The following CAV1 variants were observed in gnomAD, a reference collection of about 807,000 sequenced individuals.
CAV1 encodes the protein caveolin 1, also known as caveolin-1.
A neutral mutation model predicts 16.5 loss-of-function variants in CAV1; 10 were observed. The observed-to-expected ratio is 0.61, with a 90% confidence interval of 0.37 to 1.03. CAV1 has a LOEUF of 1.03. Ranked by LOEUF, CAV1 falls within the 50% of genes least tolerant of loss-of-function variation. The pLI is 0.01. For missense variants in CAV1, 212 were observed against 232.8 expected (o/e 0.91, Z 0.58); for synonymous variants, 76 against 85.1 (o/e 0.89, Z 0.59).
intron 2 of CAV1, 158 bp downstream of exon 2, chr7:116,526,847 G>A (rs919203771): frequency 1.3e-6 from 1 of 795,740 alleles, no homozygotes; most frequent in Non-Finnish European, 2.1e-6. Flanking sequence ...TGATGTGTGG[G>A]AGCTCCCGCA....
intron 1 of CAV1, 152 bp from the exon 2 acceptor site, chr7:116,526,373 C>G (rs1793559366): frequency 4.6e-6 from 7 of 1,515,430 alleles, no homozygotes; most frequent in South Asian, 1.3e-5. Flanking sequence ...TGCACGGAGC[C>G]GTAGCTGTCG....
At chr7:116,532,930 A>T (rs1291718571) in intron 2 of CAV1, among the ~76,000 whole-genome samples, 1 of 152,210 alleles carries the variant, frequency 6.6e-6, no homozygotes, top group African/African-American at 2.4e-5. Context: ...CCCACTGGAC[A>T]CCAAGGAGGA....
intron 2 of CAV1, among the ~76,000 whole-genome samples, chr7:116,533,409 A>C (rs947439199): frequency 6.6e-6 from 1 of 151,392 alleles, no homozygotes; most frequent in Non-Finnish European, 1.5e-5. Context: ...AAATAAAATA[A>C]AAATAAAATG....
At chr7:116,544,374 C>G (rs756970578) in intron 2 of CAV1, among the ~76,000 whole-genome samples, 2 of 152,122 alleles carry the variant, frequency 1.3e-5, no homozygotes, top group Non-Finnish European at 2.9e-5. Context: ...TTCACTAATT[C>G]ATTCATTTAT....
At chr7:116,534,763 A>T (rs889546225) in intron 2 of CAV1, among the ~76,000 whole-genome samples, 6 of 152,006 alleles carry the variant, frequency 3.9e-5, no homozygotes, top group African/African-American at 1.4e-4. Context: ...CAGAGTTTCA[A>T]ATGATCGTTC....
intron 2 of CAV1, among the ~76,000 whole-genome samples, chr7:116,552,651 T>A (rs1021418448): frequency 6.6e-6 from 1 of 152,150 alleles, no homozygotes; most frequent in East Asian, 1.9e-4. Context: ...AATCACAACA[T>A]AGGCAACACC....
At chr7:116,548,456 A>G (rs1211752014) in intron 2 of CAV1, among the ~76,000 whole-genome samples, 1 of 152,192 alleles carries the variant, frequency 6.6e-6, no homozygotes, top group African/African-American at 2.4e-5. Context: ...AGCAGAAGGA[A>G]GCCAGCCAGC....
At chr7:116,546,549 TAGTC>T (rs1022711284) in intron 2 of CAV1, among the ~76,000 whole-genome samples, 10 of 150,610 alleles carry the variant, frequency 6.6e-5, no homozygotes, top group South Asian at 4.2e-4. Flanking sequence ...AAAAAAAAAT[TAGTC>T]AGGTGTGGTG....
chr7:116,536,965 T>C (rs1339336099), intron 2 of CAV1, among the ~76,000 whole-genome samples: 8 of 131,900 alleles, frequency 6.1e-5, no homozygotes, highest in African/African-American at 1.1e-4. Context: ...ATTGCGCCAT[T>C]GCAGTCCGCA....
In CAV1 at chr7:116,526,589, T is replaced by C; in HGVS notation, c.95T>C (p.Met32Thr). The change falls in exon 2 of 3, where the codon ATG becomes ACG. Residue 32 changes from methionine to threonine, a missense_variant. Met to Thr is a moderately conservative substitution (Grantham distance 81). Coordinates refer to ENST00000341049, the MANE Select transcript of CAV1 (RefSeq NM_001753.5). The part of the protein sequence containing the change: ...GNIYKPNNKA[M>T]ADELSEKQVY... ...ATCTACAAGCCCAACAACAAGGCCA[T>C]GGCAGACGAGCTGAGCGAGAAGCAA... is the stretch of plus-strand genomic sequence containing the variant. 1 of 1,614,110 alleles carries C rather than the reference T, an allele frequency of 6.2e-7. No homozygotes were observed.
chr7:116,550,733 C>T (rs1038636736), intron 2 of CAV1, among the ~76,000 whole-genome samples: 7 of 151,914 alleles, frequency 4.6e-5, no homozygotes, highest in Admixed American at 1.3e-4. Context: ...GGGTTTGACA[C>T]GTACATTAGG....
intron 2 of CAV1, among the ~76,000 whole-genome samples, chr7:116,537,225 A>G (rs1793839449): frequency 6.6e-6 from 1 of 152,172 alleles, no homozygotes; most frequent in African/African-American, 2.4e-5. Flanking sequence ...ATTCTGTCTC[A>G]CAGTAATTTA....
chr7:116,545,007 C>G (rs1398078907), intron 2 of CAV1, among the ~76,000 whole-genome samples: 1 of 152,194 alleles, frequency 6.6e-6, no homozygotes, highest in African/African-American at 2.4e-5. Context: ...TGAATGAACT[C>G]ACAAAGTCAC....
rs1793710686 is a variant in CAV1 at position 116,532,743 on chromosome 7, CT to C, written c.195+6058del. On this transcript the variant is annotated intron_variant, in intron 2 of 2. Coordinates refer to ENST00000341049, the MANE Select transcript of CAV1 (RefSeq NM_001753.5). Reference sequence around the variant, plus strand: ...AAGATTAGAAAACAAATATTTGCAACTTTTGTAACTGTCTTCTCTAAAACTT... The same window carrying C: ...AAGATTAGAAAACAAATATTTGCAACTTTGTAACTGTCTTCTCTAAAACTT... Among the ~76,000 whole-genome samples the C allele has an allele frequency of 2.0e-5, 3 of 152,314 alleles. No homozygotes were observed. In the South Asian group the frequency reaches 6.2e-4, roughly 32 times the overall value.
intron 1 of CAV1, chr7:116,525,756 C>G: frequency 9.5e-7 from 1 of 1,053,388 alleles, no homozygotes; most frequent in Non-Finnish European, 1.2e-6. Context: ...CTTCAGCCAC[C>G]CGCCCGCAGC....
intron 2 of CAV1, among the ~76,000 whole-genome samples, chr7:116,544,088 C>A (rs972565077): frequency 6.6e-6 from 1 of 152,178 alleles, no homozygotes; most frequent in African/African-American, 2.4e-5. Context: ...TTAAGGAAAT[C>A]ATCATCTCCA....
chr7:116,530,319 T>A (rs112764906), intron 2 of CAV1, among the ~76,000 whole-genome samples: 91 of 151,942 alleles, frequency 6.0e-4, no homozygotes, highest in African/African-American at 2.1e-3. Flanking sequence ...ACTTCCCCCT[T>A]TTAACTGACA....
chr7:116,527,297 A>C (rs1053846993), intron 2 of CAV1, among the ~76,000 whole-genome samples: 4 of 152,246 alleles, frequency 2.6e-5, no homozygotes, highest in Non-Finnish European at 5.9e-5. Context: ...CTTGTGCACA[A>C]CTAAGCAAAT....
chr7:116,537,260 T>G (rs1170470248), intron 2 of CAV1, among the ~76,000 whole-genome samples: 1 of 152,124 alleles, frequency 6.6e-6, no homozygotes, highest in Non-Finnish European at 1.5e-5. Flanking sequence ...AAAAGCTGCA[T>G]CCTGCGCTTG....
Sources: gnomAD v4.1 joint callset for allele counts (sites outside exome capture counted in the v4.1 genomes callset) on GRCh38, gnomAD v4.1.1 for gene constraint, MANE v1.5 for transcripts, NCBI Gene and HGNC (gene_info 2026-07-23, HGNC 2026-07-21) for gene names.